Variants in SCAPER observed in about 807,000 individuals in gnomAD.
SCAPER encodes S phase cyclin A-associated protein in the endoplasmic reticulum.
In SCAPER, 98 loss-of-function variants were observed where a neutral mutation model predicts 182.2. The observed-to-expected ratio is 0.54, with a 90% CI of 0.46 to 0.64. SCAPER has a LOEUF of 0.64. SCAPER is among the 30% of genes least tolerant of loss of function. The pLI is 0.00. For missense variants in SCAPER, 1,432 were observed against 1,690.0 expected, an observed-to-expected ratio of 0.85 and a Z score of 2.68; for synonymous variants, 605 against 564.6, an observed-to-expected ratio of 1.07 and a Z score of -1.01.
At chr15:76,716,797 C>A (rs2059909795) in intron 17 of SCAPER, among the ~76,000 whole-genome samples, 2 of 151,642 alleles carry the variant, frequency 1.3e-5, no homozygotes, top group Non-Finnish European at 2.9e-5. Flanking sequence ...ACTAAGCAAA[C>A]AAATATTCAC....
At chr15:76,479,086 T>C (rs988999069) in intron 24 of SCAPER, among the ~76,000 whole-genome samples, 1 of 152,094 alleles carries the variant, frequency 6.6e-6, no homozygotes, top group Admixed American at 6.6e-5. Flanking sequence ...ATGGGTAAAG[T>C]GTGGAATGTA....
chr15:76,821,299 G>T (rs1018001949), intron 5 of SCAPER, among the ~76,000 whole-genome samples: 3 of 152,188 alleles, frequency 2.0e-5, no homozygotes, highest in African/African-American at 4.8e-5. Flanking sequence ...TCACGGCTAA[G>T]AAGAATGATC....
At chr15:76,512,572 G>T (rs539251292) in intron 23 of SCAPER, among the ~76,000 whole-genome samples, 2 of 152,022 alleles carry the variant, frequency 1.3e-5, no homozygotes, top group African/African-American at 4.8e-5. Flanking sequence ...ACAATGGGAG[G>T]AAACTGGGTC....
intron 4 of SCAPER, among the ~76,000 whole-genome samples, chr15:76,845,233 A>T (rs1266352803): frequency 6.6e-6 from 1 of 152,172 alleles, no homozygotes; most frequent in Non-Finnish European, 1.5e-5. Context: ...ACATAATAAA[A>T]GACATATGTG....
At chr15:76,697,179 A>G (rs774492604) in intron 20 of SCAPER, among the ~76,000 whole-genome samples, 2 of 152,226 alleles carry the variant, frequency 1.3e-5, no homozygotes, top group African/African-American at 2.4e-5. Context: ...TAAGTAGAAC[A>G]AGTATGTTTA....
intron 17 of SCAPER, among the ~76,000 whole-genome samples, chr15:76,709,318 T>G (rs1422166522): frequency 6.6e-6 from 1 of 152,058 alleles, no homozygotes; most frequent in Admixed American, 6.6e-5. Context: ...GCATTTTTAG[T>G]AGAGATGGGG....
At chr15:76,454,891 G>A (rs993482211) in intron 25 of SCAPER, among the ~76,000 whole-genome samples, 1 of 151,772 alleles carries the variant, frequency 6.6e-6, no homozygotes, top group Non-Finnish European at 1.5e-5. Flanking sequence ...TTATTTAATG[G>A]TTAAAAAATT....
At chr15:76,753,989 A>G (rs1249773617) in intron 14 of SCAPER, 41 bp from the exon 15 acceptor site, 2 of 1,589,442 alleles carry the variant, frequency 1.3e-6, no homozygotes, top group African/African-American at 1.3e-5. Context: ...TTCAATATAT[A>G]CAATCATTTA....
intron 5 of SCAPER, among the ~76,000 whole-genome samples, chr15:76,824,005 A>G (rs990968218): frequency 6.6e-6 from 1 of 152,188 alleles, no homozygotes; most frequent in African/African-American, 2.4e-5. Flanking sequence ...TGGCTTACAC[A>G]GCCTATTTCA....
rs2051577160 is a variant in SCAPER at position 76,617,267 on chromosome 15, G to A, written c.2711+4497C>T. Among the ~76,000 whole-genome samples, 3 of 152,098 alleles carry A rather than the reference G, an allele frequency of 2.0e-5. No individual in the cohort carries two copies. The South Asian group carries it at 6.2e-4, about 31-fold the overall frequency. On this transcript the variant is annotated intron_variant, in intron 22 of 31. Transcript: ENST00000563290. Reference sequence around the variant, plus strand: ...TCTTCTAGTGTTTTTACAGTTTCATGTTTTTATCTTTACATCTTTGATTAA... The same window carrying A: ...TCTTCTAGTGTTTTTACAGTTTCATATTTTTATCTTTACATCTTTGATTAA...
chr15:76,629,353 G>C (rs1363482270), intron 21 of SCAPER, among the ~76,000 whole-genome samples: 1 of 152,220 alleles, frequency 6.6e-6, no homozygotes, highest in Non-Finnish European at 1.5e-5. Context: ...TGAGGGGAAT[G>C]CTTCCAGCTT....
intron 21 of SCAPER, among the ~76,000 whole-genome samples, chr15:76,624,179 T>C (rs148977052): frequency 1.4e-4 from 21 of 152,354 alleles, no homozygotes; most frequent in South Asian, 4.1e-4. Context: ...CTAGAACCGA[T>C]AGACGACTTC....
rs1263877128 is a variant in SCAPER at position 76,883,864 on chromosome 15, T to C, written c.-47A>G. The stretch of plus-strand genomic sequence containing the variant: ...CAAGATCATTTATCACATAAACCCA[T>C]GGAGTATGACTCCTACAATAAAAAA... On this transcript the variant is annotated 5_prime_UTR_variant, in exon 2 of 32. It removes an upstream start codon present in the reference 5' UTR. Coordinates refer to ENST00000563290, the MANE Select transcript of SCAPER (RefSeq NM_020843.4). 2.8e-6 allele frequency: 4 copies of C among 1,413,352 alleles called. No homozygotes were observed. The South Asian group carries it at 4.1e-5, about 14-fold the overall frequency. The allele number at this position is 1,413,352 out of a possible 1,614,324, so 87.6% of individuals were successfully genotyped here. A position where few individuals can be genotyped will look rare whatever the true frequency, so the allele number is the denominator to read the frequency against.
intron 28 of SCAPER, chr15:76,380,506 C>T (rs1370146115): frequency 6.6e-6 from 1 of 152,082 alleles, no homozygotes; most frequent in Non-Finnish European, 1.5e-5. Flanking sequence ...AAGTATTCTT[C>T]TCATCTCAGA....
At chr15:76,651,227 A>T (rs1455642949) in intron 21 of SCAPER, among the ~76,000 whole-genome samples, 3 of 152,154 alleles carry the variant, frequency 2.0e-5, no homozygotes, top group African/African-American at 7.2e-5. Flanking sequence ...GATTAACAAA[A>T]TTGATAAATT....
chr15:76,891,596 C>T (rs1176329194), intron 1 of SCAPER, among the ~76,000 whole-genome samples: 1 of 152,102 alleles, frequency 6.6e-6, no homozygotes, highest in Non-Finnish European at 1.5e-5. Flanking sequence ...TCTAGGAATC[C>T]AACTTACAAG....
intron 2 of SCAPER, among the ~76,000 whole-genome samples, chr15:76,882,395 GAA>G (rs970928917): frequency 7.4e-6 from 1 of 134,914 alleles, no homozygotes. Context: ...GTCTCCAGAA[GAA>G]AAAAAAAAAG....
At chr15:76,730,027 G>C (rs2060827214) in intron 16 of SCAPER, among the ~76,000 whole-genome samples, 1 of 152,068 alleles carries the variant, frequency 6.6e-6, no homozygotes, top group Non-Finnish European at 1.5e-5. Flanking sequence ...TCACCTTAAA[G>C]AGCCTCAGTT....
intron 22 of SCAPER, among the ~76,000 whole-genome samples, chr15:76,615,803 G>C (rs912742863): frequency 7.0e-6 from 1 of 142,382 alleles, no homozygotes; most frequent in East Asian, 2.0e-4. Flanking sequence ...CTGGGTAACA[G>C]AGCGAGATTC....
Sources: gnomAD v4.1 joint callset for allele counts (sites outside exome capture counted in the v4.1 genomes callset) on GRCh38, gnomAD v4.1.1 for gene constraint, MANE v1.5 for transcripts, NCBI Gene and HGNC (gene_info 2026-07-23, HGNC 2026-07-21) for gene names.